Variants in DMD observed in about 807,000 individuals in gnomAD.
DMD encodes the protein mutant dystrophin.
DMD carries 63 observed loss-of-function variants against 330.1 expected under a neutral mutation model. The ratio of observed to expected loss-of-function variants is 0.19; its 90% CI spans 0.16 to 0.24. The LOEUF (loss-of-function observed/expected upper bound fraction) is 0.24, where lower values mean the gene tolerates loss of function less well. Ranked by LOEUF, DMD falls within the 10% of genes least tolerant of loss-of-function variation. The pLI is 1.00. For synonymous variants in DMD, 1,223 were observed against 959.8 expected (o/e 1.27, Z -5.07); for missense variants, 3,344 against 2,684.1 (o/e 1.25, Z -5.43).
chrX:31,734,250 A>C (rs896898475), intron 51 of DMD, among the ~76,000 whole-genome samples: 1 of 110,114 alleles, frequency 9.1e-6, no homozygotes, highest in Non-Finnish European at 1.9e-5. Context: ...TCATTTGAGA[A>C]TAATTTGCAG....
chrX:31,573,419 T>C (rs1453209150), intron 55 of DMD, among the ~76,000 whole-genome samples: 2 of 111,687 alleles, frequency 1.8e-5, no homozygotes, highest in African/African-American at 6.5e-5. Flanking sequence ...TACTAGAAAT[T>C]GTACTGTGTA....
chrX:32,446,994 A>C (rs914966422), intron 27 of DMD, among the ~76,000 whole-genome samples: 2 of 110,784 alleles, frequency 1.8e-5, no homozygotes, highest in Non-Finnish European at 3.8e-5. Flanking sequence ...AAAACTTAAG[A>C]AAATCCCTTC....
intron 44 of DMD, among the ~76,000 whole-genome samples, chrX:32,090,592 T>A (rs1175728710): frequency 8.9e-6 from 1 of 111,822 alleles, no homozygotes; most frequent in Non-Finnish European, 1.9e-5. Context: ...GCTCCATTGC[T>A]TCTGATCATG....
chrX:31,563,157 TG>T (rs1249780120), intron 55 of DMD, among the ~76,000 whole-genome samples: 5 of 111,196 alleles, frequency 4.5e-5, no homozygotes, highest in African/African-American at 1.6e-4. Context: ...CTCCGCCTCC[TG>T]GGTTCAAGCG....
Position 31,282,798 on chromosome X carries a change from G to A in DMD, c.9225-21782C>T, listed in dbSNP as rs1469095265. Among the ~76,000 whole-genome samples the A allele has an allele frequency of 3.6e-5, 4 of 111,232 alleles. No individual in the cohort carries two copies. In the Admixed American group the frequency reaches 3.8e-4, roughly 11 times the overall value. On this transcript the variant is annotated intron_variant, in intron 62 of 78. Coordinates refer to ENST00000357033, the MANE Select transcript of DMD (RefSeq NM_004006.3). ...TTATGTGTGAGGGTATGGATTGACT[G>A]GATTTCAATCATTATTTTAAAAGGC...
intron 63 of DMD, among the ~76,000 whole-genome samples, chrX:31,241,959 T>C (rs772066393): frequency 1.8e-5 from 2 of 111,178 alleles, no homozygotes; most frequent in African/African-American, 3.3e-5. Context: ...AGATTTCCCT[T>C]TTAAAAATCT....
At chrX:32,644,084 C>G (rs2059636899) in intron 11 of DMD, 48 bp downstream of exon 11, 2 of 1,068,106 alleles carry the variant, frequency 1.9e-6, no homozygotes, top group Admixed American at 2.4e-5. Context: ...TAATCACAAG[C>G]TTCCAAAACT....
At chrX:31,257,619 A>G (rs929883895) in intron 63 of DMD, among the ~76,000 whole-genome samples, 2 of 109,629 alleles carry the variant, frequency 1.8e-5, no homozygotes, top group Admixed American at 1.9e-4. Context: ...GGGGAAAGGC[A>G]GTGCTGGTAG....
chrX:31,913,481 A>G (rs1190067585), intron 47 of DMD, among the ~76,000 whole-genome samples: 1 of 112,055 alleles, frequency 8.9e-6, no homozygotes, highest in Admixed American at 9.5e-5. Flanking sequence ...GAATATACAG[A>G]CAATCCTTTC....
At chrX:31,243,807 C>A (rs2048578214) in intron 63 of DMD, among the ~76,000 whole-genome samples, 1 of 112,600 alleles carries the variant, frequency 8.9e-6, no homozygotes, top group Non-Finnish European at 1.9e-5. Flanking sequence ...CTCAGTGATT[C>A]CACTTACATG....
chrX:32,589,102 T>C (rs1181421178), intron 13 of DMD, among the ~76,000 whole-genome samples: 2 of 111,687 alleles, frequency 1.8e-5, no homozygotes. Context: ...TGAAAAACCA[T>C]AGAGAAAGTG....
chrX:33,291,207 C>G (rs201683608), intron 1 of DMD, among the ~76,000 whole-genome samples: 7 of 111,445 alleles, frequency 6.3e-5, no homozygotes, highest in South Asian at 3.7e-4. Flanking sequence ...ATTCAACACC[C>G]CTTCATGCTA....
chrX:32,575,822 AAGAC>A (rs778847206), intron 13 of DMD, among the ~76,000 whole-genome samples: 2 of 112,006 alleles, frequency 1.8e-5, no homozygotes, highest in African/African-American at 3.2e-5. Context: ...TCCAGTGAAG[AAGAC>A]AGTCAAGGGA....
At chrX:32,249,882 C>G (rs2097256623) in intron 43 of DMD, among the ~76,000 whole-genome samples, 1 of 111,636 alleles carries the variant, frequency 9.0e-6, no homozygotes, top group African/African-American at 3.3e-5. Flanking sequence ...GCTGCATCAC[C>G]TAGCCATAAG....
chrX:33,087,842 C>A (rs1334779741), intron 1 of DMD, among the ~76,000 whole-genome samples: 4 of 110,870 alleles, frequency 3.6e-5, no homozygotes, highest in African/African-American at 9.8e-5. Flanking sequence ...TTTCTGAGTT[C>A]TTTTTGGATC....
intron 29 of DMD, among the ~76,000 whole-genome samples, chrX:32,433,413 C>A (rs1394736353): frequency 1.8e-5 from 2 of 111,763 alleles, no homozygotes; most frequent in South Asian, 3.8e-4. Flanking sequence ...TGCGGTGGCT[C>A]ACGCCTGTAA....
chrX:32,654,321 T>C (rs1379496402), intron 9 of DMD, among the ~76,000 whole-genome samples: 2 of 111,785 alleles, frequency 1.8e-5, no homozygotes, highest in Non-Finnish European at 3.8e-5. Context: ...TTAAGATACG[T>C]CCCATCAATA....
intron 52 of DMD, among the ~76,000 whole-genome samples, chrX:31,709,652 TATTTC>T (rs1284970147): frequency 9.2e-6 from 1 of 108,474 alleles, no homozygotes; most frequent in African/African-American, 3.4e-5. Context: ...TTGGGGTCCT[TATTTC>T]ATTTAAGTTT....
chrX:33,016,188 T>C (rs1358791715), intron 2 of DMD, among the ~76,000 whole-genome samples: 2 of 111,108 alleles, frequency 1.8e-5, no homozygotes, highest in Non-Finnish European at 3.8e-5. Context: ...TCCCCCAAAC[T>C]CCATGATTTA....
Sources: gnomAD v4.1 joint callset for allele counts (sites outside exome capture counted in the v4.1 genomes callset) on GRCh38, gnomAD v4.1.1 for gene constraint, MANE v1.5 for transcripts, NCBI Gene and HGNC (gene_info 2026-07-23, HGNC 2026-07-21) for gene names.